THBS4: variants seen among roughly 807,000 people sequenced by gnomAD.
THBS4 encodes the protein thrombospondin 4, also known as thrombospondin-4.
Under a neutral mutation model 115.7 loss-of-function variants are expected in THBS4, and 90 were observed. The ratio of observed to expected loss-of-function variants is 0.78; its 90% CI spans 0.66 to 0.93. The LOEUF is 0.93. Among genes scored for constraint, THBS4 ranks in the 40% least tolerant of loss-of-function variants. THBS4 has a pLI of 0.00. For synonymous variants in THBS4, 460 were observed against 479.3 expected, an observed-to-expected ratio of 0.96 and a Z score of 0.53; for missense variants, 1,087 against 1,232.7, an observed-to-expected ratio of 0.88 and a Z score of 1.77.
intron 1 of THBS4, among the ~76,000 whole-genome samples, chr5:80,039,233 C>T (rs550101061): frequency 1.4e-4 from 22 of 152,244 alleles, no homozygotes; most frequent in Middle Eastern, 3.4e-3. Context: ...ATGATATTTG[C>T]GTCTGCTAAT....
chr5:80,061,223 C>T (rs1262632720), intron 7 of THBS4, among the ~76,000 whole-genome samples: 1 of 152,140 alleles, frequency 6.6e-6, no homozygotes, highest in African/African-American at 2.4e-5. Context: ...CTTGACAGGA[C>T]ATGGAGGCAG....
At chr5:80,014,536 TGGTACTCGA>T (rs1580911449) in intron 2 of THBS4, among the ~76,000 whole-genome samples, 1 of 152,116 alleles carries the variant, frequency 6.6e-6, no homozygotes, top group Non-Finnish European at 1.5e-5. Context: ...TCAGCAAAAG[TGGTACTCGA>T]GCCCAAGGAT....
At position 80,082,536 on chromosome 5, in the gene THBS4, C is replaced by G; in HGVS notation, c.2815C>G (p.Arg939Gly). 1.9e-6 allele frequency: 3 copies of G among 1,614,182 alleles called. No individual in the cohort carries two copies. The highest frequency in any genetic ancestry group is 1.1e-5 in the South Asian group (1 of 91,080). ...ENIIWSNLKYRCNDTIPEDFQ... is the reference protein window; with the variant it reads ...ENIIWSNLKYGCNDTIPEDFQ... ...CATCATCTGGTCCAACCTCAAGTAT[C>G]GCTGCAATGGTAATGTGCATTCTCG... The change falls in exon 21 of 22, where the codon CGC (arginine) becomes GGC (glycine). Residue 939 changes from arginine to glycine, a missense_variant. Arg to Gly is a moderately radical substitution (Grantham distance 125). Transcript: ENST00000350881.
At chr5:80,030,221 A>G (rs947617985) in intron 2 of THBS4, among the ~76,000 whole-genome samples, 3 of 151,836 alleles carry the variant, frequency 2.0e-5, no homozygotes, top group Non-Finnish European at 2.9e-5. Flanking sequence ...TTTTTTGGAC[A>G]GGGTCTTGCT....
At chr5:80,036,738 G>A (rs1026411224) in intron 1 of THBS4, among the ~76,000 whole-genome samples, 3 of 152,178 alleles carry the variant, frequency 2.0e-5, no homozygotes, top group Admixed American at 6.5e-5. Flanking sequence ...CTGGTCAGGC[G>A]TGAGCTTCAT....
At position 80,082,433 on chromosome 5, in the gene THBS4, G is replaced by T; in HGVS notation, c.2712G>T (p.Leu904Phe). The change falls in exon 21 of 22, where the codon TTG (leucine) becomes TTT (phenylalanine). Residue 904 changes from leucine (L) to phenylalanine (F), a missense_variant. Leu to Phe is a conservative substitution (Grantham distance 22). Coordinates refer to ENST00000350881, the MANE Select transcript of THBS4 (RefSeq NM_003248.6). ...IRVRFYEGSE[L>F]VADSGVTIDT... ...TACGATTTTATGAAGGCTCTGAGTT[G>T]GTGGCTGACTCTGGCGTCACCATAG... is the stretch of plus-strand genomic sequence containing the variant. 6.2e-7 allele frequency: 1 copy of T among 1,614,134 alleles called. No individual in the cohort carries two copies. The highest frequency in any genetic ancestry group is 8.5e-7 in the Non-Finnish European group (1 of 1,179,986).
chr5:80,059,288 C>A, intron 5 of THBS4, 152 bp from the exon 6 acceptor site: 1 of 723,224 alleles, frequency 1.4e-6, no homozygotes. Context: ...TGAGATCGTG[C>A]CACTGCACTC....
chr5:80,061,475 G>A (rs549153241), intron 7 of THBS4, among the ~76,000 whole-genome samples: 3 of 152,240 alleles, frequency 2.0e-5, no homozygotes, highest in African/African-American at 7.2e-5. Context: ...ACATGCATGT[G>A]CCATTATTCT....
chr5:80,012,990 A>G (rs1247491573), intron 2 of THBS4, among the ~76,000 whole-genome samples: 1 of 152,092 alleles, frequency 6.6e-6, no homozygotes, highest in Non-Finnish European at 1.5e-5. Context: ...CCTCATCCCC[A>G]TCATCTCCCA....
chr5:80,047,790 C>T (rs1833120912), intron 2 of THBS4, among the ~76,000 whole-genome samples: 1 of 151,840 alleles, frequency 6.6e-6, no homozygotes, highest in South Asian at 2.1e-4. Flanking sequence ...GGCGCCACCA[C>T]ACCCGCCTAA....
intron 2 of THBS4, among the ~76,000 whole-genome samples, chr5:80,021,680 G>A (rs545752590): frequency 2.0e-4 from 31 of 152,088 alleles, no homozygotes; most frequent in African/African-American, 6.5e-4. Context: ...TGTAGACACG[G>A]GGTCTGTGTT....
intron 2 of THBS4, among the ~76,000 whole-genome samples, chr5:80,022,354 A>G (rs1406539541): frequency 6.6e-6 from 1 of 152,370 alleles, no homozygotes; most frequent in East Asian, 1.9e-4. Flanking sequence ...TTACACTACT[A>G]GAAACAATGC....
At chr5:80,048,063 CG>C in intron 2 of THBS4, among the ~76,000 whole-genome samples, 1 of 152,162 alleles carries the variant, frequency 6.6e-6, no homozygotes, top group Non-Finnish European at 1.5e-5. Context: ...AGCAGTGAGC[CG>C]TGATCATGCC....
chr5:80,016,764 G>A (rs1186763310), intron 2 of THBS4, among the ~76,000 whole-genome samples: 2 of 151,998 alleles, frequency 1.3e-5, no homozygotes, highest in South Asian at 2.1e-4. Flanking sequence ...TGCACTGCCC[G>A]CAGCTACCCA....
intron 2 of THBS4, among the ~76,000 whole-genome samples, chr5:80,052,087 A>G (rs1400775485): frequency 6.6e-6 from 1 of 152,092 alleles, no homozygotes; most frequent in Non-Finnish European, 1.5e-5. Context: ...TCCAAGTGGT[A>G]TTTTTCTTGG....
At chr5:80,081,268 A>G (rs1707040370) in intron 20 of THBS4, among the ~76,000 whole-genome samples, 1 of 152,190 alleles carries the variant, frequency 6.6e-6, no homozygotes, top group Non-Finnish European at 1.5e-5. Context: ...TTTGTCTCAC[A>G]GTGAGATGAT....
chr5:80,007,746 G>T (rs76685172), intron 2 of THBS4, among the ~76,000 whole-genome samples: 1,690 of 152,326 alleles, frequency 0.011, 19 homozygotes, highest in Non-Finnish European at 0.019. Flanking sequence ...TGCCGGGCTT[G>T]TGACCCCTAG....
At chr5:80,045,962 G>C (rs909899564) in intron 2 of THBS4, among the ~76,000 whole-genome samples, 1 of 152,164 alleles carries the variant, frequency 6.6e-6, no homozygotes, top group African/African-American at 2.4e-5. Context: ...GCAGAAGATG[G>C]AAAGAATTTT....
At chr5:80,078,375 C>T (rs1743322211) in intron 17 of THBS4, 148 bp downstream of exon 17, 1 of 590,422 alleles carries the variant, frequency 1.7e-6, no homozygotes, top group Non-Finnish European at 2.7e-6. Flanking sequence ...TGACAGACTA[C>T]TTCAATTATG....
Sources: gnomAD v4.1 joint callset for allele counts (sites outside exome capture counted in the v4.1 genomes callset) on GRCh38, gnomAD v4.1.1 for gene constraint, MANE v1.5 for transcripts, NCBI Gene and HGNC (gene_info 2026-07-23, HGNC 2026-07-21) for gene names.